Variants in RCAN2 observed in about 807,000 individuals in gnomAD.
RCAN2 encodes regulator of calcineurin 2.
A neutral mutation model predicts 23.6 loss-of-function variants in RCAN2; 9 were observed. The ratio of observed to expected loss-of-function variants is 0.38; its 90% CI spans 0.23 to 0.67. The LOEUF (loss-of-function observed/expected upper bound fraction) is 0.67. Among genes scored for constraint, RCAN2 ranks in the 30% least tolerant of loss-of-function variants. RCAN2 has a pLI of 0.51. For synonymous variants in RCAN2, 109 were observed against 115.7 expected (o/e 0.94, Z 0.37); for missense variants, 273 against 302.3 (o/e 0.90, Z 0.72).
At chr6:46,353,330 A>G (rs1764719989) in intron 2 of RCAN2, among the ~76,000 whole-genome samples, 2 of 152,028 alleles carry the variant, frequency 1.3e-5, no homozygotes, top group African/African-American at 2.4e-5. Flanking sequence ...ACCCAGGGAC[A>G]ATGGGTTTTG....
chr6:46,471,074 A>G (rs1768543796), intron 1 of RCAN2, among the ~76,000 whole-genome samples: 1 of 152,192 alleles, frequency 6.6e-6, no homozygotes, highest in African/African-American at 2.4e-5. Context: ...TCTCTGATCA[A>G]TAAGGAAGAA....
intron 2 of RCAN2, among the ~76,000 whole-genome samples, chr6:46,329,250 T>G (rs1763886885): frequency 6.6e-6 from 1 of 152,222 alleles, no homozygotes; most frequent in South Asian, 2.1e-4. Context: ...CACATCTCTT[T>G]GGAAAAGTAT....
chr6:46,380,780 G>A (rs1177683447), intron 2 of RCAN2, among the ~76,000 whole-genome samples: 1 of 152,038 alleles, frequency 6.6e-6, no homozygotes, highest in Non-Finnish European at 1.5e-5. Flanking sequence ...CTTTTAGTTT[G>A]GTAGGATAAT....
chr6:46,250,458 T>A lies in RCAN2; in HGVS notation c.226-1562A>T, dbSNP rs140956813. On this transcript the variant is annotated intron_variant, in intron 2 of 4. Coordinates refer to ENST00000371374, the MANE Select transcript of RCAN2 (RefSeq NM_001251974.2). Reference sequence around the variant, plus strand: ...TCATAACAGTGAGTACAAGTAAGGATGGAGATGCATGAAATATTAATACTG... The same window carrying A: ...TCATAACAGTGAGTACAAGTAAGGAAGGAGATGCATGAAATATTAATACTG... Among the ~76,000 whole-genome samples, 14 of 152,272 alleles carry A rather than the reference T, an allele frequency of 9.2e-5. No individual in the cohort carries two copies. In the East Asian group the frequency reaches 1.9e-3, roughly 21 times the overall value.
chr6:46,260,791 T>G (rs1342526847), intron 2 of RCAN2, among the ~76,000 whole-genome samples: 1 of 152,108 alleles, frequency 6.6e-6, no homozygotes, highest in Non-Finnish European at 1.5e-5. Flanking sequence ...TATGAAAATG[T>G]AAGAGGTAGC....
At chr6:46,397,056 C>T (rs113701950) in intron 2 of RCAN2, among the ~76,000 whole-genome samples, 4,844 of 147,898 alleles carry the variant, frequency 0.033, 245 homozygotes, top group African/African-American at 0.11. Context: ...GGTTGCAGTG[C>T]GCCGAGATCA....
intron 1 of RCAN2, among the ~76,000 whole-genome samples, chr6:46,465,934 C>G (rs1220657362): frequency 1.3e-5 from 2 of 152,162 alleles, no homozygotes; most frequent in Non-Finnish European, 2.9e-5. Flanking sequence ...AAATAGATGG[C>G]TCAAACCAGG....
intron 1 of RCAN2, among the ~76,000 whole-genome samples, chr6:46,488,147 T>TA (rs932415064): frequency 1.1e-4 from 16 of 152,164 alleles, no homozygotes; most frequent in Non-Finnish European, 2.4e-4. Flanking sequence ...CATTCCAGGA[T>TA]AAAAAAGAAT....
chr6:46,491,662 C>A (rs185695025), upstream of RCAN2, among the ~76,000 whole-genome samples: 4 of 152,134 alleles, frequency 2.6e-5, no homozygotes, highest in African/African-American at 4.8e-5. Flanking sequence ...CCCCGCACCC[C>A]CTCCTTTCCA....
chr6:46,241,453 G>T (rs1214050448), intron 4 of RCAN2, among the ~76,000 whole-genome samples: 1 of 152,124 alleles, frequency 6.6e-6, no homozygotes, highest in Non-Finnish European at 1.5e-5. Context: ...ACAGAGGAAG[G>T]CAAATTTTGA....
intron 1 of RCAN2, among the ~76,000 whole-genome samples, chr6:46,479,303 CT>C (rs1446370825): frequency 6.6e-6 from 1 of 152,136 alleles, no homozygotes; most frequent in Admixed American, 6.5e-5. Context: ...ACTTACATGG[CT>C]TTTACTGTAA....
At chr6:46,386,724 C>T (rs1765768238) in intron 2 of RCAN2, among the ~76,000 whole-genome samples, 1 of 151,864 alleles carries the variant, frequency 6.6e-6, no homozygotes, top group South Asian at 2.1e-4. Flanking sequence ...CTACCAATGA[C>T]TTTCTTCACA....
At chr6:46,359,331 C>T (rs1257898953) in intron 2 of RCAN2, among the ~76,000 whole-genome samples, 2 of 152,096 alleles carry the variant, frequency 1.3e-5, no homozygotes, top group South Asian at 2.1e-4. Flanking sequence ...TCGACAGTTC[C>T]GGTGTGATAC....
chr6:46,305,449 C>G (rs746840587), intron 2 of RCAN2, among the ~76,000 whole-genome samples: 2 of 152,000 alleles, frequency 1.3e-5, no homozygotes, highest in Non-Finnish European at 2.9e-5. Context: ...ATTCATGCTT[C>G]TTGGCTCCCA....
At chr6:46,454,469 T>G (rs1767965479) in intron 2 of RCAN2, among the ~76,000 whole-genome samples, 2 of 152,118 alleles carry the variant, frequency 1.3e-5, no homozygotes, top group South Asian at 2.1e-4. Context: ...ATAGATATAA[T>G]TAAGTCAAAA....
chr6:46,282,085 T>A (rs889108041), intron 2 of RCAN2, among the ~76,000 whole-genome samples: 2 of 152,190 alleles, frequency 1.3e-5, no homozygotes, highest in African/African-American at 4.8e-5. Context: ...AACTGCCCAA[T>A]TAAAATGTTT....
chr6:46,224,143 C>G (rs1323858702), intron 4 of RCAN2, among the ~76,000 whole-genome samples: 1 of 152,068 alleles, frequency 6.6e-6, no homozygotes, highest in Non-Finnish European at 1.5e-5. Flanking sequence ...TGAAAGGCTT[C>G]CTAGTGGACT....
upstream of RCAN2, chr6:46,491,875 G>A (rs1451178035): frequency 1.4e-4 from 21 of 152,292 alleles, no homozygotes; most frequent in Non-Finnish European, 2.9e-5. Context: ...CTTACCAGAT[G>A]TCTGAGCCCC....
chr6:46,399,903 T>C lies in RCAN2; in HGVS notation c.225+56849A>G, dbSNP rs1008826417. On this transcript the variant is annotated intron_variant, in intron 2 of 4. Transcript: ENST00000371374. ...CATTCACAGGTTCTGGATGGACATA[T>C]CTTCTGTTGGGTTGTCATGATCCAT... 2.6e-5 allele frequency among the ~76,000 whole-genome samples: 4 copies of C among 152,320 alleles called. No homozygotes were observed. In the East Asian group the frequency reaches 5.8e-4, roughly 22 times the overall value.
Sources: gnomAD v4.1 joint callset for allele counts (sites outside exome capture counted in the v4.1 genomes callset) on GRCh38, gnomAD v4.1.1 for gene constraint, MANE v1.5 for transcripts, NCBI Gene and HGNC (gene_info 2026-07-23, HGNC 2026-07-21) for gene names.